The following RASA3 variants were observed in gnomAD, a reference collection of about 807,000 sequenced individuals.
RASA3 encodes RAS p21 protein activator 3, also known as ras GTPase-activating protein 3.
RASA3 carries 73 observed loss-of-function variants against 110.0 expected under a neutral mutation model. The observed-to-expected ratio is 0.66, with a 90% CI of 0.55 to 0.81. The LOEUF (loss-of-function observed/expected upper bound fraction) is 0.81, where lower values mean the gene tolerates loss of function less well. Among genes scored for constraint, RASA3 ranks in the 30% least tolerant of loss-of-function variants. RASA3 has a pLI of 0.00. For missense variants in RASA3, 976 were observed against 1,113.2 expected (o/e 0.88, Z 1.75); for synonymous variants, 500 against 451.4 (o/e 1.11, Z -1.37).
intron 2 of RASA3, among the ~76,000 whole-genome samples, chr13:114,064,609 C>A (rs1031715093): frequency 6.6e-6 from 1 of 152,222 alleles, no homozygotes; most frequent in African/African-American, 2.4e-5. Context: ...AAAATGAAAC[C>A]GGCTGAACGC....
intron 5 of RASA3, among the ~76,000 whole-genome samples, chr13:114,029,126 C>G (rs1341760020): frequency 3.4e-5 from 1 of 29,268 alleles, no homozygotes. Flanking sequence ...ATCCTGGGGC[C>G]AGGACCTCTA....
At chr13:114,076,375 G>C (rs2079681768) in intron 1 of RASA3, among the ~76,000 whole-genome samples, 1 of 152,184 alleles carries the variant, frequency 6.6e-6, no homozygotes, top group Admixed American at 6.5e-5. Flanking sequence ...CCGCTGCATG[G>C]GAGAACACAG....
At chr13:114,105,319 G>A (rs1199551445) in intron 1 of RASA3, among the ~76,000 whole-genome samples, 2 of 151,638 alleles carry the variant, frequency 1.3e-5, no homozygotes, top group Non-Finnish European at 2.9e-5. Context: ...GCACTGAGGG[G>A]TGCTCACTGG....
chr13:113,999,730 G>C, intron 19 of RASA3, 63 bp from the exon 20 acceptor site: 1 of 1,421,370 alleles, frequency 7.0e-7, no homozygotes, highest in Non-Finnish European at 9.9e-7. Context: ...GTCCGGGTGG[G>C]GCTGAGGGGT....
At position 113,978,488 on chromosome 13, in the gene RASA3, GA is replaced by G. The variant is rs2052829669; in HGVS notation, c.*858del. The G allele has an allele frequency of 6.6e-6, 1 of 152,164 alleles. No individual in the cohort carries two copies. Among genetic ancestry groups the G allele is most frequent in the Non-Finnish European group, 1.5e-5 (1 of 68,004 alleles). 9.4% of individuals were successfully genotyped at this position (152,164 alleles called of 1,614,324 possible). A position where few individuals can be genotyped will look rare whatever the true frequency, so the allele number is the denominator to read the frequency against. On this transcript the variant is annotated 3_prime_UTR_variant, in exon 24 of 24. Coordinates refer to ENST00000334062, the MANE Select transcript of RASA3 (RefSeq NM_007368.4). ...AAAAATGGTCCTTCAAAAACATAAAGAAAAACAGCTTGAAAAATGTACATTT... is the reference window on the plus strand; with the variant it reads ...AAAAATGGTCCTTCAAAAACATAAAGAAAACAGCTTGAAAAATGTACATTT...
Position 114,106,100 on chromosome 13 carries a change from C to T in RASA3, c.55+26335G>A, listed in dbSNP as rs117326433. 5.9e-3 allele frequency among the ~76,000 whole-genome samples: 901 copies of T among 152,096 alleles called. 5 individuals carry two copies. The highest frequency in any genetic ancestry group is 9.3e-3 in the Non-Finnish European group (634 of 67,992). ...TCGCAGAGCGGCACACGGCAGCCTC[C>T]GGATGGGCGCATGGCAGAGCGGCAC... On this transcript the variant is annotated intron_variant, in intron 1 of 23. Transcript: ENST00000334062.
chr13:114,001,894 T>A (rs1052953245), intron 18 of RASA3, among the ~76,000 whole-genome samples: 1 of 152,222 alleles, frequency 6.6e-6, no homozygotes, highest in Non-Finnish European at 1.5e-5. Flanking sequence ...CCTGCTGTGG[T>A]AGAAGGCGCC....
chr13:114,019,464 G>C (rs372212956), intron 9 of RASA3, among the ~76,000 whole-genome samples: 1 of 152,270 alleles, frequency 6.6e-6, no homozygotes, highest in Non-Finnish European at 1.5e-5. Flanking sequence ...GGGCCAGGCA[G>C]TCTAAGCTCT....
intron 17 of RASA3, among the ~76,000 whole-genome samples, chr13:114,009,075 G>A (rs1162857210): frequency 5.3e-5 from 8 of 152,236 alleles, no homozygotes; most frequent in Non-Finnish European, 8.8e-5. Flanking sequence ...AGCCTAGAGT[G>A]AGTCCGGCCA....
At chr13:114,020,316 C>T (rs2053899210) in intron 9 of RASA3, among the ~76,000 whole-genome samples, 1 of 152,238 alleles carries the variant, frequency 6.6e-6, no homozygotes, top group Non-Finnish European at 1.5e-5. Context: ...CGCCCCCCAT[C>T]GCCCCAGGTA....
At chr13:114,002,498 G>A (rs547979120) in intron 18 of RASA3, among the ~76,000 whole-genome samples, 5 of 152,340 alleles carry the variant, frequency 3.3e-5, no homozygotes, top group Non-Finnish European at 7.3e-5. Context: ...CGGGGGTTGG[G>A]GGGGGACTGG....
Position 113,998,255 on chromosome 13 carries a change from ATCT to A in RASA3, c.1932+1327_1932+1329del, listed in dbSNP as rs1453294003. On this transcript the variant is annotated intron_variant, in intron 20 of 23. Coordinates refer to ENST00000334062, the MANE Select transcript of RASA3 (RefSeq NM_007368.4). Reference sequence around the variant, plus strand: ...ATTGAGCCCACACCCTCCTCTTCCCATCTCCCCCTCTTCCCAACCCTTCTCTTC... The same window carrying A: ...ATTGAGCCCACACCCTCCTCTTCCCACCCCCTCTTCCCAACCCTTCTCTTC... 5.9e-3 allele frequency among the ~76,000 whole-genome samples: 898 copies of A among 151,446 alleles called. 2 individuals are homozygous for A. Among genetic ancestry groups the A allele is most frequent in the African/African-American group, 0.017 (720 of 41,154 alleles).
intron 18 of RASA3, among the ~76,000 whole-genome samples, chr13:114,004,449 A>G (rs1376214823): frequency 2.0e-5 from 3 of 152,096 alleles, no homozygotes; most frequent in Non-Finnish European, 4.4e-5. Flanking sequence ...CAAATGGCCA[A>G]CAAGCATACG....
At chr13:114,002,360 A>T (rs1251712748) in intron 18 of RASA3, among the ~76,000 whole-genome samples, 1 of 152,200 alleles carries the variant, frequency 6.6e-6, no homozygotes, top group East Asian at 1.9e-4. Flanking sequence ...CCGCCAGGAC[A>T]GCGCAGTTCA....
intron 1 of RASA3, among the ~76,000 whole-genome samples, chr13:114,098,138 A>G (rs1290021088): frequency 6.6e-6 from 1 of 152,144 alleles, no homozygotes; most frequent in Non-Finnish European, 1.5e-5. Flanking sequence ...TGGGGGCTGC[A>G]GGGGAGCACG....
intron 1 of RASA3, among the ~76,000 whole-genome samples, chr13:114,092,674 C>T (rs1226430912): frequency 6.6e-6 from 1 of 152,116 alleles, no homozygotes; most frequent in Non-Finnish European, 1.5e-5. Context: ...GTTTGTCAGG[C>T]TCTTTTGGCC....
At position 114,081,085 on chromosome 13, in the gene RASA3, C is replaced by CGTAGAA. The variant is rs1425459656; in HGVS notation, c.56-7249_56-7248insTTCTAC. On this transcript the variant is annotated intron_variant, in intron 1 of 23. Transcript: ENST00000334062. ...GTGTCCCACGGCAGAGGGCCGTCCA[C>CGTAGAA]CTAGAACACCAATAGTGCTGCGTGG... Among the ~76,000 whole-genome samples the CGTAGAA allele has an allele frequency of 6.7e-4, 102 of 152,124 alleles. 3 individuals carry two copies. Among genetic ancestry groups the CGTAGAA allele is most frequent in the African/African-American group, 1.0e-3 (43 of 41,468 alleles).
At chr13:114,072,694 C>T (rs1178200967) in intron 2 of RASA3, among the ~76,000 whole-genome samples, 1 of 152,214 alleles carries the variant, frequency 6.6e-6, no homozygotes, top group Non-Finnish European at 1.5e-5. Flanking sequence ...CCACGCACCA[C>T]CAAGGACAGA....
chr13:114,033,119 T>A, intron 4 of RASA3, among the ~76,000 whole-genome samples: 1 of 51,748 alleles, frequency 1.9e-5, no homozygotes, highest in Non-Finnish European at 3.3e-5. Context: ...TGACACCACG[T>A]TCCACGGAAC....
Sources: allele counts gnomAD v4.1 joint callset (sites outside exome capture counted in the v4.1 genomes callset), GRCh38; gene constraint gnomAD v4.1.1; transcripts MANE v1.5; gene names NCBI Gene and HGNC (gene_info 2026-07-23, HGNC 2026-07-21).